CDKAL1: variants seen among roughly 807,000 people sequenced by gnomAD.
The protein encoded by CDKAL1 is CDKAL1 threonylcarbamoyladenosine tRNA methylthiotransferase, also known as threonylcarbamoyladenosine tRNA methylthiotransferase.
A neutral mutation model predicts 68.2 loss-of-function variants in CDKAL1; 32 were observed. The observed-to-expected ratio is 0.47, with a 90% CI of 0.35 to 0.63. The LOEUF is 0.63. Ranked by LOEUF, CDKAL1 falls within the 30% of genes least tolerant of loss-of-function variation. CDKAL1 has a pLI of 0.00. For missense variants in CDKAL1, 606 were observed against 696.7 expected (o/e 0.87, Z 1.47); for synonymous variants, 234 against 244.3 (o/e 0.96, Z 0.39).
intron 6 of CDKAL1, among the ~76,000 whole-genome samples, chr6:20,757,143 G>A (rs1338856439): frequency 2.0e-5 from 3 of 151,970 alleles, no homozygotes; most frequent in Non-Finnish European, 2.9e-5. Flanking sequence ...ATGTTGGCCA[G>A]GCTGGTCTCG....
intron 11 of CDKAL1, among the ~76,000 whole-genome samples, chr6:21,020,563 G>A (rs1390082957): frequency 1.3e-5 from 2 of 152,052 alleles, no homozygotes; most frequent in African/African-American, 4.8e-5. Context: ...TGCCTCCCAG[G>A]TTCAAGCGAT....
chr6:20,967,580 A>G (rs911766708), intron 10 of CDKAL1, among the ~76,000 whole-genome samples: 1 of 152,220 alleles, frequency 6.6e-6, no homozygotes, highest in African/African-American at 2.4e-5. Flanking sequence ...TATGCTCAGT[A>G]GCACAGACTT....
At chr6:20,932,098 T>A (rs1378451060) in intron 9 of CDKAL1, among the ~76,000 whole-genome samples, 1 of 152,188 alleles carries the variant, frequency 6.6e-6, no homozygotes, top group Non-Finnish European at 1.5e-5. Context: ...TTCTAAGCTA[T>A]TTTTAAGAAA....
At chr6:20,885,361 C>T (rs1241694231) in intron 9 of CDKAL1, among the ~76,000 whole-genome samples, 3 of 152,120 alleles carry the variant, frequency 2.0e-5, no homozygotes, top group Non-Finnish European at 4.4e-5. Flanking sequence ...CAGAAGTAAA[C>T]CCATACAACT....
At chr6:21,206,475 A>C (rs754023096) in intron 15 of CDKAL1, among the ~76,000 whole-genome samples, 1 of 152,216 alleles carries the variant, frequency 6.6e-6, no homozygotes, top group Non-Finnish European at 1.5e-5. Context: ...ACATCGCTTG[A>C]ATCTTACCAT....
At chr6:20,558,886 C>T (rs1267046154) in intron 4 of CDKAL1, 3 of 295,546 alleles carry the variant, frequency 1.0e-5, no homozygotes, top group African/African-American at 2.2e-5. Context: ...GCCTCGGCCT[C>T]CCAAAGTGCT....
intron 13 of CDKAL1, among the ~76,000 whole-genome samples, chr6:21,196,664 TTA>T (rs1196523363): frequency 6.6e-6 from 1 of 152,196 alleles, no homozygotes; most frequent in Non-Finnish European, 1.5e-5. Context: ...GCAGCTGTGT[TTA>T]TGTTTCCTTC....
intron 4 of CDKAL1, among the ~76,000 whole-genome samples, chr6:20,612,306 G>A (rs1045679623): frequency 2.0e-5 from 3 of 151,712 alleles, no homozygotes; most frequent in African/African-American, 7.3e-5. Flanking sequence ...AGTTCTATTT[G>A]TAGTTTTTTG....
At position 20,738,790 on chromosome 6, in the gene CDKAL1, C is replaced by T. The variant is rs554277119; in HGVS notation, c.372-729C>T. ...TTGGGATTACAGGTGTGAACCACTG[C>T]ACCCAATTACTTAGAATTTATACTG... On this transcript the variant is annotated intron_variant, in intron 5 of 15. Transcript: ENST00000274695. Among the ~76,000 whole-genome samples, 10 of 152,332 alleles carry T rather than the reference C, an allele frequency of 6.6e-5. No individual in the cohort carries two copies. In the East Asian group the frequency reaches 1.9e-3, roughly 29 times the overall value.
At chr6:20,729,033 T>G (rs1451109616) in intron 5 of CDKAL1, among the ~76,000 whole-genome samples, 3 of 152,180 alleles carry the variant, frequency 2.0e-5, no homozygotes, top group Admixed American at 6.5e-5. Context: ...ATGAACTCCC[T>G]ACATCTGATG....
intron 11 of CDKAL1, among the ~76,000 whole-genome samples, chr6:21,037,796 A>ATTATGC (rs1769673520): frequency 6.7e-6 from 1 of 150,236 alleles, no homozygotes; most frequent in Admixed American, 6.6e-5. Flanking sequence ...GCCACTAAAG[A>ATTATGC]TTATGCGATT....
chr6:20,901,153 G>A (rs1047620291), intron 9 of CDKAL1, among the ~76,000 whole-genome samples: 7 of 152,112 alleles, frequency 4.6e-5, no homozygotes, highest in African/African-American at 1.7e-4. Flanking sequence ...GTGTCCGAGA[G>A]ACAGATAAAC....
chr6:20,698,879 A>C (rs1771220570), intron 5 of CDKAL1, among the ~76,000 whole-genome samples: 1 of 152,086 alleles, frequency 6.6e-6, no homozygotes, highest in Admixed American at 6.6e-5. Context: ...CCTGTCAGTG[A>C]CTCACTTTGG....
chr6:20,750,043 C>T (rs1482931491), intron 6 of CDKAL1, among the ~76,000 whole-genome samples: 1 of 152,012 alleles, frequency 6.6e-6, no homozygotes, highest in Non-Finnish European at 1.5e-5. Context: ...GTCATTGTAG[C>T]AAATGAAAAT....
At chr6:20,845,317 G>C (rs1778337397) in intron 8 of CDKAL1, among the ~76,000 whole-genome samples, 1 of 146,932 alleles carries the variant, frequency 6.8e-6, no homozygotes, top group Non-Finnish European at 1.5e-5. Context: ...TTTTGTAACT[G>C]TGTCTTTTAT....
At chr6:20,818,229 G>A (rs1234630194) in intron 8 of CDKAL1, among the ~76,000 whole-genome samples, 1 of 152,104 alleles carries the variant, frequency 6.6e-6, no homozygotes, top group African/African-American at 2.4e-5. Context: ...ACTAGGGTTA[G>A]CAGTTTCTTC....
chr6:21,170,332 G>A (rs1429399937), intron 13 of CDKAL1, among the ~76,000 whole-genome samples: 1 of 152,032 alleles, frequency 6.6e-6, no homozygotes, highest in African/African-American at 2.4e-5. Context: ...TGGTTGGTTG[G>A]TTGGTTTGTT....
At chr6:20,844,394 A>G (rs1276835903) in intron 8 of CDKAL1, among the ~76,000 whole-genome samples, 2 of 152,142 alleles carry the variant, frequency 1.3e-5, no homozygotes, top group South Asian at 2.1e-4. Context: ...GCAGCTTGGT[A>G]TGGAAAGAAC....
intron 8 of CDKAL1, among the ~76,000 whole-genome samples, chr6:20,799,235 A>G (rs927921270): frequency 4.0e-5 from 6 of 151,812 alleles, no homozygotes; most frequent in African/African-American, 1.5e-4. Context: ...TATTTTTAGT[A>G]GAGACGGGGT....
Sources: gnomAD v4.1 joint callset for allele counts (sites outside exome capture counted in the v4.1 genomes callset) on GRCh38, gnomAD v4.1.1 for gene constraint, MANE v1.5 for transcripts, NCBI Gene and HGNC (gene_info 2026-07-23, HGNC 2026-07-21) for gene names.